HMGB1: variants seen among roughly 807,000 people sequenced by gnomAD.
HMGB1 encodes the protein high mobility group box 1.
For synonymous variants in HMGB1, 81 were observed against 84.0 expected (o/e 0.96, Z 0.19); for missense variants, 79 against 253.5 (o/e 0.31, Z 4.67).
rs533798582 is a variant in HMGB1, at chr13:30,528,533, G to A, written c.-14-64839C>T. On this transcript the variant is annotated intron_variant, in intron 1 of 4. Transcript: ENST00000405805. Reference sequence around the variant, plus strand: ...GTTGCCTCTGGTTGACCAGACGCCCGCATATGCAGTTATATACATATTTGC... The same window carrying A: ...GTTGCCTCTGGTTGACCAGACGCCCACATATGCAGTTATATACATATTTGC... Among the ~76,000 whole-genome samples, 10 of 152,266 alleles carry A rather than the reference G, an allele frequency of 6.6e-5. No individual in the cohort carries two copies. In the South Asian group the frequency reaches 1.5e-3, roughly 22 times the overall value.
intron 1 of HMGB1, among the ~76,000 whole-genome samples, chr13:30,566,363 G>C (rs1240841407): frequency 6.6e-6 from 1 of 152,132 alleles, no homozygotes; most frequent in African/African-American, 2.4e-5. Context: ...TAGAGTTTCT[G>C]GGCCACATAT....
At chr13:30,504,894 C>A (rs554077547) in intron 1 of HMGB1, among the ~76,000 whole-genome samples, 2 of 151,842 alleles carry the variant, frequency 1.3e-5, no homozygotes, top group Non-Finnish European at 2.9e-5. Flanking sequence ...TAAATAATTA[C>A]GTTTATCACA....
chr13:30,472,481 C>T (rs1420347514), intron 1 of HMGB1, among the ~76,000 whole-genome samples: 1 of 152,076 alleles, frequency 6.6e-6, no homozygotes, highest in Non-Finnish European at 1.5e-5. Flanking sequence ...CACACCTGTA[C>T]TCCCAGCTAC....
rs1238789293 is a variant in HMGB1 at position 30,571,513 on chromosome 13, C to G, written c.-15+45158G>C. On this transcript the variant is annotated intron_variant, in intron 1 of 4. Coordinates refer to the HMGB1 transcript ENST00000405805. ...GTTTCACCATGCTGGCCAGGCTGGTCTTGAACTCCTGACCTTGTGATCTGC... is the reference window on the plus strand; with the variant it reads ...GTTTCACCATGCTGGCCAGGCTGGTGTTGAACTCCTGACCTTGTGATCTGC... Among the ~76,000 whole-genome samples, 3 of 152,232 alleles carry G rather than the reference C, an allele frequency of 2.0e-5. No individual in the cohort carries two copies. In the East Asian group the frequency reaches 5.8e-4, roughly 29 times the overall value.
chr13:30,509,427 C>T (rs1171304178), intron 1 of HMGB1, among the ~76,000 whole-genome samples: 2 of 151,930 alleles, frequency 1.3e-5, no homozygotes, highest in Non-Finnish European at 2.9e-5. Context: ...TTAGTTGAGA[C>T]GGGGTTTCGC....
At position 30,489,786 on chromosome 13, in the gene HMGB1, G is replaced by C. The variant is rs910196569; in HGVS notation, c.-14-26092C>G. On this transcript the variant is annotated intron_variant, in intron 1 of 4. Coordinates refer to the HMGB1 transcript ENST00000405805. ...GTCTCGCTCTGTCGCCCAGGCTGGA[G>C]TGCAGTAGCAAGATCTCAGCTCACT... Among the ~76,000 whole-genome samples, 3 of 149,176 alleles carry C rather than the reference G, an allele frequency of 2.0e-5. No individual in the cohort carries two copies. The South Asian group carries it at 6.3e-4, about 31-fold the overall frequency.
intron 1 of HMGB1, among the ~76,000 whole-genome samples, chr13:30,591,562 G>C (rs779462783): frequency 6.6e-6 from 1 of 150,396 alleles, no homozygotes; most frequent in Non-Finnish European, 1.5e-5. Flanking sequence ...CCAGGCTGGA[G>C]TGCAGTGGCA....
In HMGB1 at chr13:30,460,176, G is replaced by A. The variant is rs1229614747; in HGVS notation, c.*1181C>T. On this transcript the variant is annotated 3_prime_UTR_variant, in exon 5 of 5. Coordinates refer to ENST00000341423, the MANE Select transcript of HMGB1 (RefSeq NM_002128.7). Reference sequence around the variant, plus strand: ...TGAATAATTCATACTGAGATGCAAAGTTTGTCTTCTTTCTTCCTATCTACT... The same window carrying A: ...TGAATAATTCATACTGAGATGCAAAATTTGTCTTCTTTCTTCCTATCTACT... The A allele has an allele frequency of 6.6e-6, 1 of 151,264 alleles. No homozygotes were observed. The allele number at this position is 151,264 out of a possible 1,614,324, so 9.4% of individuals were successfully genotyped here. A position where few individuals can be genotyped will look rare whatever the true frequency, so the allele number is the denominator to read the frequency against.
chr13:30,589,818 C>A (rs985129659), intron 1 of HMGB1, among the ~76,000 whole-genome samples: 1 of 151,308 alleles, frequency 6.6e-6, no homozygotes, highest in African/African-American at 2.4e-5. Flanking sequence ...TGCCATGAGC[C>A]AAGATTGTGC....
chr13:30,534,203 A>G (rs2137489936), intron 1 of HMGB1, among the ~76,000 whole-genome samples: 1 of 152,278 alleles, frequency 6.6e-6, no homozygotes, highest in Non-Finnish European at 1.5e-5. Flanking sequence ...TGTGAAAAAG[A>G]TGACCGTCCA....
chr13:30,464,938 C>A (rs1332197258), intron 1 of HMGB1: 1 of 146,132 alleles, frequency 6.8e-6, no homozygotes, highest in Non-Finnish European at 1.5e-5. Context: ...CGCTCCCCTC[C>A]CCCCGCCGCG....
rs1395331498 is a variant in HMGB1, at chr13:30,456,733, C to T, written c.*4624G>A. The T allele has an allele frequency of 8.3e-6, 1 of 121,036 alleles. No individual in the cohort carries two copies. The highest frequency in any genetic ancestry group is 1.3e-4 in the Admixed American group (1 of 7,986). The allele number at this position is 121,036 out of a possible 1,614,324, so 7.5% of individuals were successfully genotyped here. On this transcript the variant is annotated 3_prime_UTR_variant, in exon 5 of 5. Transcript: ENST00000341423. ...TTGCAAAATCATTGTTAAAATGTTT[C>T]ACAGCATAAATAACAGCTTTTGTGG...
At chr13:30,596,754 T>C (rs1448731466) in intron 1 of HMGB1, among the ~76,000 whole-genome samples, 1 of 152,196 alleles carries the variant, frequency 6.6e-6, no homozygotes, top group Non-Finnish European at 1.5e-5. Context: ...ACACTAACAA[T>C]AGTGCATGAT....
chr13:30,582,060 C>A (rs769420848), intron 1 of HMGB1, among the ~76,000 whole-genome samples: 7 of 152,098 alleles, frequency 4.6e-5, no homozygotes, highest in South Asian at 2.1e-4. Flanking sequence ...AAAGTGAACT[C>A]AGCATCAGGA....
At chr13:30,467,337 T>G (rs975952548), upstream of HMGB1, among the ~76,000 whole-genome samples, 1 of 152,240 alleles carries the variant, frequency 6.6e-6, no homozygotes, top group African/African-American at 2.4e-5. Flanking sequence ...TGATTTTTTA[T>G]ATCGCTTATA....
At chr13:30,477,471 C>T (rs146738876) in intron 1 of HMGB1, among the ~76,000 whole-genome samples, 7 of 152,198 alleles carry the variant, frequency 4.6e-5, no homozygotes, top group African/African-American at 1.7e-4. Flanking sequence ...GGGGAGATGC[C>T]GAGCACCCAG....
intron 1 of HMGB1, among the ~76,000 whole-genome samples, chr13:30,555,395 T>C (rs1225681826): frequency 6.6e-6 from 1 of 152,130 alleles, no homozygotes; most frequent in Non-Finnish European, 1.5e-5. Context: ...AGAAATAAAT[T>C]AGGAGAGATT....
chr13:30,548,797 T>C (rs1311159553), intron 1 of HMGB1, among the ~76,000 whole-genome samples: 1 of 152,222 alleles, frequency 6.6e-6, no homozygotes, highest in Non-Finnish European at 1.5e-5. Context: ...CTGTGGGTTA[T>C]GGACCAACTC....
At position 30,561,410 on chromosome 13, in the gene HMGB1, C is replaced by A. The variant is rs1432762983; in HGVS notation, c.-15+55261G>T. Among the ~76,000 whole-genome samples, 7 of 152,212 alleles carry A rather than the reference C, an allele frequency of 4.6e-5. No homozygotes were observed. The South Asian group carries it at 1.4e-3, about 32-fold the overall frequency. ...ATTAAGTGGGGCTGTGGTGACAACACAAGAAGAGAGGCTTGCAAAGGAGCC... is the reference window on the plus strand; with the variant it reads ...ATTAAGTGGGGCTGTGGTGACAACAAAAGAAGAGAGGCTTGCAAAGGAGCC... On this transcript the variant is annotated intron_variant, in intron 1 of 4. Transcript: ENST00000405805.
Sources: allele counts gnomAD v4.1 joint callset (sites outside exome capture counted in the v4.1 genomes callset), GRCh38; gene constraint gnomAD v4.1.1; transcripts MANE v1.5; gene names NCBI Gene and HGNC (gene_info 2026-07-23, HGNC 2026-07-21).